Variants in RAPGEF2 observed in about 807,000 individuals in gnomAD.
RAPGEF2 encodes the protein Rap guanine nucleotide exchange factor 2, also known as PDZ domain containing guanine nucleotide exchange factor (GEF) 1.
A neutral mutation model predicts 186.7 loss-of-function variants in RAPGEF2; 54 were observed. The observed-to-expected ratio is 0.29, with a 90% confidence interval of 0.23 to 0.36. The LOEUF (loss-of-function observed/expected upper bound fraction) is 0.36, where lower values mean the gene tolerates loss of function less well. Among genes scored for constraint, RAPGEF2 ranks in the 10% least tolerant of loss-of-function variants. RAPGEF2 has a pLI of 1.00. For missense variants in RAPGEF2, 1,532 were observed against 2,045.0 expected, an observed-to-expected ratio of 0.75 and a Z score of 4.84; for synonymous variants, 712 against 705.9, an observed-to-expected ratio of 1.01 and a Z score of -0.14.
chr4:159,340,653 T>C (rs1456636336), intron 19 of RAPGEF2, among the ~76,000 whole-genome samples: 1 of 132,376 alleles, frequency 7.6e-6, no homozygotes, highest in African/African-American at 2.8e-5. Flanking sequence ...AAACAAAAAA[T>C]ACCACCACCA....
intron 12 of RAPGEF2, 75 bp from the exon 13 acceptor site, chr4:159,330,259 A>ATGTGTGTGTGTGTG (rs1164757472): frequency 3.8e-6 from 2 of 530,996 alleles, no homozygotes; most frequent in South Asian, 3.0e-5. Context: ...GTGTGTGTAT[A>ATGTGTGTGTGTGTG]TGTATATGTG....
intron 7 of RAPGEF2, among the ~76,000 whole-genome samples, chr4:159,287,837 C>G (rs528824982): frequency 3.9e-5 from 6 of 152,168 alleles, no homozygotes; most frequent in Middle Eastern, 3.4e-3. Context: ...GCTAATTCAC[C>G]TCTCTTGATA....
intron 25 of RAPGEF2, among the ~76,000 whole-genome samples, chr4:159,349,508 T>G (rs1364221394): frequency 6.6e-6 from 1 of 152,236 alleles, no homozygotes; most frequent in Non-Finnish European, 1.5e-5. Flanking sequence ...GCTCACTTCC[T>G]TCTTCTGAAA....
chr4:159,179,191 GA>G (rs959164527), intron 1 of RAPGEF2, among the ~76,000 whole-genome samples: 35 of 99,144 alleles, frequency 3.5e-4, no homozygotes, highest in Middle Eastern at 4.3e-3. Context: ...GAATTTGGGG[GA>G]AAAAATAGCT....
chr4:159,348,058 G>C (rs1457858100), intron 25 of RAPGEF2, among the ~76,000 whole-genome samples: 2 of 151,832 alleles, frequency 1.3e-5, no homozygotes, highest in African/African-American at 4.8e-5. Flanking sequence ...CCATCTTTAC[G>C]AAAAATACAA....
intron 1 of RAPGEF2, among the ~76,000 whole-genome samples, chr4:159,134,994 C>T (rs1028882291): frequency 6.6e-6 from 1 of 152,128 alleles, no homozygotes; most frequent in African/African-American, 2.4e-5. Context: ...ATAATGTTTT[C>T]AAGATTCATC....
intron 4 of RAPGEF2, chr4:159,229,622 ATTGT>A (rs1248164306): frequency 2.6e-5 from 4 of 152,274 alleles, no homozygotes; most frequent in African/African-American, 9.6e-5. Context: ...CTACTTAGTA[ATTGT>A]TTGTCTTCAT....
At chr4:159,188,475 C>A (rs1186614679) in intron 2 of RAPGEF2, among the ~76,000 whole-genome samples, 3 of 151,834 alleles carry the variant, frequency 2.0e-5, no homozygotes, top group Non-Finnish European at 4.4e-5. Context: ...ACTAGCCTGG[C>A]CAACGTGGTG....
At chr4:159,162,728 G>A (rs930299248) in intron 1 of RAPGEF2, among the ~76,000 whole-genome samples, 2 of 152,256 alleles carry the variant, frequency 1.3e-5, no homozygotes, top group African/African-American at 2.4e-5. Flanking sequence ...TGATTCTCAG[G>A]TTATAAGTAA....
chr4:159,134,529 G>T (rs1216991930), intron 1 of RAPGEF2, among the ~76,000 whole-genome samples: 1 of 152,124 alleles, frequency 6.6e-6, no homozygotes, highest in Non-Finnish European at 1.5e-5. Context: ...ATAAGTGTAT[G>T]TTTAACTTTT....
chr4:159,135,287 C>G (rs749889257), intron 1 of RAPGEF2, among the ~76,000 whole-genome samples: 1 of 152,154 alleles, frequency 6.6e-6, no homozygotes, highest in Non-Finnish European at 1.5e-5. Context: ...CTCAAGCAGT[C>G]CGCCCACCTC....
intron 1 of RAPGEF2, among the ~76,000 whole-genome samples, chr4:159,155,065 A>G (rs973394411): frequency 1.3e-5 from 2 of 152,190 alleles, no homozygotes; most frequent in African/African-American, 4.8e-5. Context: ...AGAACATCCT[A>G]TAACTTCCAT....
chr4:159,301,049 A>G (rs1561240345), intron 7 of RAPGEF2, among the ~76,000 whole-genome samples: 1 of 152,184 alleles, frequency 6.6e-6, no homozygotes. Flanking sequence ...CTCCCATTCC[A>G]TAACTTGACT....
At chr4:159,144,179 C>T (rs188943362) in intron 1 of RAPGEF2, among the ~76,000 whole-genome samples, 1,576 of 152,274 alleles carry the variant, frequency 0.01, 30 homozygotes, top group African/African-American at 0.036. Context: ...TGTATAGCTG[C>T]ATAAACAGTT....
intron 7 of RAPGEF2, among the ~76,000 whole-genome samples, chr4:159,251,663 A>G (rs749920181): frequency 2.0e-5 from 3 of 151,604 alleles, no homozygotes; most frequent in Admixed American, 6.6e-5. Context: ...ATGTCTAGCT[A>G]GAGGGTTGTA....
intron 11 of RAPGEF2, among the ~76,000 whole-genome samples, chr4:159,323,898 T>C (rs1441076832): frequency 6.7e-6 from 1 of 150,050 alleles, no homozygotes; most frequent in East Asian, 2.0e-4. Context: ...TTTGGGTTTT[T>C]TGGAGGGCTT....
Position 159,343,274 on chromosome 4 carries a change from A to G in RAPGEF2, c.3131-7A>G, listed in dbSNP as rs1257341447. Reference sequence around the variant, plus strand: ...GTGATTTCCTTTTCCTCCTCTGTCAATTTCAGGAAATGACTCAAAAGTAGA... The same window carrying G: ...GTGATTTCCTTTTCCTCCTCTGTCAGTTTCAGGAAATGACTCAAAAGTAGA... On this transcript the variant is annotated splice_polypyrimidine_tract_variant and splice_region_variant and intron_variant, in intron 21 of 29. Transcript: ENST00000691494. 6.2e-7 allele frequency: 1 copy of G among 1,613,884 alleles called. No homozygotes were observed. Among genetic ancestry groups the G allele is most frequent in the Non-Finnish European group, 8.5e-7 (1 of 1,179,948 alleles).
chr4:159,329,842 T>C lies in RAPGEF2; in HGVS notation c.1150-16T>C, dbSNP rs1167970588. 1 of 1,605,114 alleles carries C rather than the reference T, an allele frequency of 6.2e-7. No homozygotes were observed. Among genetic ancestry groups the C allele is most frequent in the East Asian group, 2.2e-5 (1 of 44,740 alleles). ...AAGCACTTTATCATTAACATGTGAC[T>C]TATGTTTTATTCCAGTTTGTCTGCA... On this transcript the variant is annotated splice_polypyrimidine_tract_variant and intron_variant, in intron 11 of 29. Transcript: ENST00000691494.
chr4:159,303,047 A>C (rs1579848198), intron 7 of RAPGEF2, among the ~76,000 whole-genome samples: 1 of 152,288 alleles, frequency 6.6e-6, no homozygotes, highest in East Asian at 1.9e-4. Context: ...CAATAAAGTT[A>C]TTATTTCTAA....
Sources: gnomAD v4.1 joint callset for allele counts (sites outside exome capture counted in the v4.1 genomes callset) on GRCh38, gnomAD v4.1.1 for gene constraint, MANE v1.5 for transcripts, NCBI Gene and HGNC (gene_info 2026-07-23, HGNC 2026-07-21) for gene names.